Variants in NEU3 observed in about 807,000 individuals in gnomAD.
NEU3 encodes the protein sialidase-3.
A neutral mutation model predicts 11.4 loss-of-function variants in NEU3; 10 were observed. The observed-to-expected ratio is 0.88, with a 90% confidence interval of 0.54 to 1.49. The LOEUF is 1.49. Among genes scored for constraint, NEU3 ranks in the 40% most tolerant of loss-of-function variants. NEU3 has a pLI of 0.00. For synonymous variants in NEU3, 212 were observed against 228.2 expected, an observed-to-expected ratio of 0.93 and a Z score of 0.64; for missense variants, 529 against 581.8, an observed-to-expected ratio of 0.91 and a Z score of 0.93.
At chr11:75,011,612 A>AGGCG (rs1255155532), downstream of NEU3, among the ~76,000 whole-genome samples, 4 of 152,214 alleles carry the variant, frequency 2.6e-5, no homozygotes, top group Non-Finnish European at 4.4e-5. Context: ...AAGGGTTGAG[A>AGGCG]GGCGGCAAGA....
downstream of NEU3, among the ~76,000 whole-genome samples, chr11:75,014,603 C>T (rs191058555): frequency 2.8e-4 from 42 of 152,282 alleles, no homozygotes; most frequent in Non-Finnish European, 5.0e-4. Flanking sequence ...ATAGGCTGGG[C>T]ATGGTAGCTC....
chr11:75,007,378 A>G lies in NEU3; in HGVS notation c.*886A>G, dbSNP rs1351616749. The G allele has an allele frequency of 6.6e-6, 1 of 152,242 alleles. No individual in the cohort carries two copies. The highest frequency in any genetic ancestry group is 1.5e-5 in the Non-Finnish European group (1 of 68,054). 9.4% of individuals were successfully genotyped at this position (152,242 alleles called of 1,614,324 possible). A position where few individuals can be genotyped will look rare whatever the true frequency, so the allele number is the denominator to read the frequency against. ...CAGTTTATGGGGCTAGAAGAGCGAG[A>G]AAATTCAAGAAAATAAATGTAGCTG... On this transcript the variant is annotated 3_prime_UTR_variant, in exon 3 of 3. Transcript: ENST00000294064.
At chr11:74,986,549 T>C (rs1301317035), upstream of NEU3, among the ~76,000 whole-genome samples, 1 of 152,234 alleles carries the variant, frequency 6.6e-6, no homozygotes. Flanking sequence ...TTTCTAAAAC[T>C]GTATTAACTT....
upstream of NEU3, among the ~76,000 whole-genome samples, chr11:74,985,135 A>T (rs1948657897): frequency 6.6e-6 from 1 of 152,238 alleles, no homozygotes; most frequent in Non-Finnish European, 1.5e-5. Flanking sequence ...AAAATTTGAG[A>T]TCCACAGAGT....
At chr11:75,014,871 AAG>A (rs1388695571), downstream of NEU3, among the ~76,000 whole-genome samples, 1 of 152,184 alleles carries the variant, frequency 6.6e-6, no homozygotes, top group Non-Finnish European at 1.5e-5. Context: ...GCCTCAAAAA[AAG>A]AAAAAAAGAA....
chr11:74,991,325 C>T (rs982417357), intron 1 of NEU3, among the ~76,000 whole-genome samples: 17 of 152,200 alleles, frequency 1.1e-4, no homozygotes, highest in Admixed American at 1.1e-3. Context: ...GGAGGCTTTT[C>T]TTCTGGACTC....
At chr11:75,016,393 A>AAATTGTCAAAACT (rs1948981593) in intron 3 of NEU3, among the ~76,000 whole-genome samples, 1 of 152,160 alleles carries the variant, frequency 6.6e-6, no homozygotes. Context: ...ATTGTCAAGA[A>AAATTGTCAAAACT]GCTGCAGTGC....
At chr11:74,987,209 G>T (rs1369067002), upstream of NEU3, among the ~76,000 whole-genome samples, 1 of 152,170 alleles carries the variant, frequency 6.6e-6, no homozygotes, top group Non-Finnish European at 1.5e-5. Flanking sequence ...GTACAGGAAA[G>T]GCAGAATAAA....
At chr11:74,988,846 C>T (rs1396988706), upstream of NEU3, 4 of 552,834 alleles carry the variant, frequency 7.2e-6, no homozygotes, top group Non-Finnish European at 9.5e-6. Flanking sequence ...ACGGGGAGGG[C>T]TCGCGGAGTA....
downstream of NEU3, among the ~76,000 whole-genome samples, chr11:75,015,743 TC>T (rs2140259701): frequency 6.6e-6 from 1 of 152,356 alleles, no homozygotes; most frequent in East Asian, 1.9e-4. Flanking sequence ...CTACTACTGT[TC>T]CTATGGAATC....
At chr11:74,984,320 G>A (rs375003104), upstream of NEU3, among the ~76,000 whole-genome samples, 1 of 152,300 alleles carries the variant, frequency 6.6e-6, no homozygotes, top group East Asian at 1.9e-4. Flanking sequence ...CATTATTGAA[G>A]ATTCAGGTTC....
the NEU3 span, among the ~76,000 whole-genome samples, chr11:74,980,564 C>T: frequency 2.0e-5 from 3 of 152,168 alleles, no homozygotes; most frequent in African/African-American, 4.8e-5. Flanking sequence ...GTTAATAGCA[C>T]GTTAATTTAG....
rs592823 is a variant in NEU3, at chr11:75,009,528, A to G, written c.*3036A>G. The G allele has an allele frequency of 0.97, 147,772 of 152,534 alleles. 71,635 individuals carry two copies. Among genetic ancestry groups the G allele is most frequent in the African/African-American group, 0.99 (41,185 of 41,552 alleles). 9.4% of individuals were successfully genotyped at this position (152,534 alleles called of 1,614,324 possible). ...CATTTCAGCCACTCAGATTGATAGGATGGAAAAGACAGGGCAGGTGGTAGC... is the reference window on the plus strand; with the variant it reads ...CATTTCAGCCACTCAGATTGATAGGGTGGAAAAGACAGGGCAGGTGGTAGC... On this transcript the variant is annotated 3_prime_UTR_variant, in exon 3 of 3. Transcript: ENST00000294064.
Position 75,008,711 on chromosome 11 carries a change from C to G in NEU3, c.*2219C>G, listed in dbSNP as rs542644045. The G allele has an allele frequency of 6.6e-6, 1 of 152,058 alleles. No individual in the cohort carries two copies. Among genetic ancestry groups the G allele is most frequent in the African/African-American group, 2.4e-5 (1 of 41,348 alleles). The allele number at this position is 152,058 out of a possible 1,614,324, so 9.4% of individuals were successfully genotyped here. A position where few individuals can be genotyped will look rare whatever the true frequency, so the allele number is the denominator to read the frequency against. On this transcript the variant is annotated 3_prime_UTR_variant, in exon 3 of 3. Coordinates refer to ENST00000294064, the MANE Select transcript of NEU3 (RefSeq NM_006656.6). Reference sequence around the variant, plus strand: ...CTGGGATTACAGGTGCCTGCCACTACGCCCAGCTAATTTTTTGTATTTTTA... The same window carrying G: ...CTGGGATTACAGGTGCCTGCCACTAGGCCCAGCTAATTTTTTGTATTTTTA...
intron 3 of NEU3, among the ~76,000 whole-genome samples, chr11:75,017,313 T>C (rs902702527): frequency 6.6e-6 from 1 of 152,170 alleles, no homozygotes; most frequent in African/African-American, 2.4e-5. Context: ...GACACACTTA[T>C]ACTTGCTAAG....
intron 2 of NEU3, among the ~76,000 whole-genome samples, chr11:75,001,974 C>CT (rs1336725935): frequency 6.6e-6 from 1 of 152,186 alleles, no homozygotes; most frequent in Admixed American, 6.5e-5. Flanking sequence ...ACGGAATGGT[C>CT]TTTTATCCAG....
chr11:74,987,819 T>C (rs1426713229), upstream of NEU3, among the ~76,000 whole-genome samples: 1 of 131,882 alleles, frequency 7.6e-6, no homozygotes, highest in Non-Finnish European at 1.6e-5. Flanking sequence ...TCTCAAAAAA[T>C]AAAAATAAAA....
At chr11:74,992,208 C>T (rs560729874) in intron 1 of NEU3, among the ~76,000 whole-genome samples, 38 of 152,236 alleles carry the variant, frequency 2.5e-4, no homozygotes, top group Non-Finnish European at 4.7e-4. Context: ...AAAAATCCTT[C>T]TCTGGTGCCT....
chr11:75,017,939 G>C (rs1280149834), intron 3 of NEU3, among the ~76,000 whole-genome samples: 1 of 152,158 alleles, frequency 6.6e-6, no homozygotes, highest in Non-Finnish European at 1.5e-5. Context: ...TTAGTGAAGA[G>C]AGAAAAATTA....
Sources: gnomAD v4.1 joint callset for allele counts (sites outside exome capture counted in the v4.1 genomes callset) on GRCh38, gnomAD v4.1.1 for gene constraint, MANE v1.5 for transcripts, NCBI Gene and HGNC (gene_info 2026-07-23, HGNC 2026-07-21) for gene names.